Variants in AXDND1 observed in about 807,000 individuals in gnomAD.
AXDND1 encodes axonemal dynein light chain domain containing 1, also known as axonemal dynein light chain domain-containing protein 1.
A neutral mutation model predicts 137.5 loss-of-function variants in AXDND1; 110 were observed. The observed-to-expected ratio is 0.80, with a 90% CI of 0.69 to 0.94. The LOEUF (loss-of-function observed/expected upper bound fraction) is 0.94. Ranked by LOEUF, AXDND1 falls within the 40% of genes least tolerant of loss-of-function variation. The probability of loss-of-function intolerance (pLI) is 0.00; values close to 1 mark genes in which losing one functional copy is unlikely to be tolerated. For missense variants in AXDND1, 1,191 were observed against 1,169.8 expected, an observed-to-expected ratio of 1.02 and a Z score of -0.26; for synonymous variants, 414 against 399.7, an observed-to-expected ratio of 1.04 and a Z score of -0.43.
chr1:179,374,672 G>A (rs1668398783), intron 4 of AXDND1, among the ~76,000 whole-genome samples: 1 of 152,146 alleles, frequency 6.6e-6, no homozygotes, highest in South Asian at 2.1e-4. Context: ...CATGTCGTTT[G>A]TAGGGACATG....
intron 12 of AXDND1, among the ~76,000 whole-genome samples, chr1:179,422,216 C>T (rs967277866): frequency 2.0e-5 from 3 of 146,428 alleles, no homozygotes; most frequent in Non-Finnish European, 4.5e-5. Context: ...GGTTATTTCC[C>T]GTCTTTCTAT....
chr1:179,388,429 C>T (rs1352368328), intron 9 of AXDND1, among the ~76,000 whole-genome samples: 1 of 152,118 alleles, frequency 6.6e-6, no homozygotes, highest in East Asian at 1.9e-4. Context: ...GTTAGATATT[C>T]TCATTCTGTC....
intron 3 of AXDND1, among the ~76,000 whole-genome samples, chr1:179,369,358 G>GT (rs1386276585): frequency 6.6e-6 from 1 of 152,176 alleles, no homozygotes; most frequent in African/African-American, 2.4e-5. Context: ...AATTTCAAGT[G>GT]TGAGCCAACA....
intron 11 of AXDND1, among the ~76,000 whole-genome samples, chr1:179,408,712 A>G (rs909915388): frequency 1.3e-5 from 2 of 152,080 alleles, no homozygotes; most frequent in African/African-American, 4.8e-5. Flanking sequence ...GATGGGGTTC[A>G]CTGTATCCTC....
At chr1:179,435,226 A>G (rs1657973830) in intron 15 of AXDND1, among the ~76,000 whole-genome samples, 1 of 152,250 alleles carries the variant, frequency 6.6e-6, no homozygotes, top group Non-Finnish European at 1.5e-5. Flanking sequence ...TTCCATCCTC[A>G]TGGATAGGAA....
chr1:179,552,564 T>G (rs769979350), intron 25 of AXDND1: 23 of 1,547,876 alleles, frequency 1.5e-5, no homozygotes, highest in Non-Finnish European at 1.9e-5. Context: ...GAGCAGGCCT[T>G]CCTAAAGGGC....
chr1:179,402,265 C>T (rs1002877982), intron 11 of AXDND1, among the ~76,000 whole-genome samples: 54 of 152,006 alleles, frequency 3.6e-4, no homozygotes, highest in Non-Finnish European at 6.6e-4. Flanking sequence ...TTTTTGCCTA[C>T]TCTATATACT....
chr1:179,503,094 TA>T (rs11397892), intron 20 of AXDND1, among the ~76,000 whole-genome samples: 175 of 136,740 alleles, frequency 1.3e-3, no homozygotes, highest in East Asian at 1.4e-3. Context: ...AAACTCCGTG[TA>T]AAAAAAAAAA....
intron 5 of AXDND1, among the ~76,000 whole-genome samples, 176 bp from the exon 6 acceptor site, chr1:179,379,221 C>T (rs1647798360): frequency 6.6e-6 from 1 of 152,078 alleles, no homozygotes; most frequent in Non-Finnish European, 1.5e-5. Flanking sequence ...GATGTGTGCT[C>T]TGGTTAGTTT....
chr1:179,420,241 C>T (rs1353539413), intron 12 of AXDND1, among the ~76,000 whole-genome samples: 1 of 152,186 alleles, frequency 6.6e-6, no homozygotes, highest in Non-Finnish European at 1.5e-5. Context: ...TGATGTATCA[C>T]ATTTATTGAT....
intron 20 of AXDND1, among the ~76,000 whole-genome samples, chr1:179,500,887 G>T (rs11800342): frequency 0.061 from 9,261 of 151,954 alleles, 358 homozygotes; most frequent in Non-Finnish European, 0.07. Flanking sequence ...GGCCAGGCTG[G>T]TCTTGAACTC....
intron 12 of AXDND1, among the ~76,000 whole-genome samples, chr1:179,424,030 G>A (rs10913750): frequency 0.017 from 2,547 of 152,194 alleles, 75 homozygotes; most frequent in African/African-American, 0.058. Flanking sequence ...TGTAAGAGAG[G>A]TCTGGTGGTG....
chr1:179,440,867 G>A (rs535624085), intron 15 of AXDND1, among the ~76,000 whole-genome samples: 1 of 152,346 alleles, frequency 6.6e-6, no homozygotes, highest in Admixed American at 6.5e-5. Flanking sequence ...CACAGACAAT[G>A]TTGATAGGAT....
At chr1:179,496,283 G>T (rs755720590) in intron 20 of AXDND1, among the ~76,000 whole-genome samples, 1 of 151,960 alleles carries the variant, frequency 6.6e-6, no homozygotes. Flanking sequence ...GTGTAGAATT[G>T]TTTATTTCTT....
In AXDND1 at chr1:179,514,088, G is replaced by C. The variant is rs200724476; in HGVS notation, c.2496+4685G>C. 6.6e-5 allele frequency among the ~76,000 whole-genome samples: 10 copies of C among 151,628 alleles called. No individual in the cohort carries two copies. In the East Asian group the frequency reaches 1.9e-3, roughly 29 times the overall value. Reference sequence around the variant, plus strand: ...TTTCATTTAATTCTGCTCTGATCTTGGTTATTTCCTTTCTTCTGCTGGGTT... The same window carrying C: ...TTTCATTTAATTCTGCTCTGATCTTCGTTATTTCCTTTCTTCTGCTGGGTT... On this transcript the variant is annotated intron_variant, in intron 21 of 25. Transcript: ENST00000367618.
chr1:179,516,571 C>T (rs942345047), intron 21 of AXDND1, among the ~76,000 whole-genome samples: 1 of 152,176 alleles, frequency 6.6e-6, no homozygotes, highest in African/African-American at 2.4e-5. Flanking sequence ...GGTTCCTTCT[C>T]ATTTGGGTAG....
intron 25 of AXDND1, chr1:179,551,772 A>G (rs1673319026): frequency 2.9e-6 from 1 of 344,708 alleles, no homozygotes; most frequent in Non-Finnish European, 5.4e-6. Context: ...TTCCATGCAA[A>G]GGCATGACGT....
At chr1:179,483,246 C>A (rs10494519) in intron 18 of AXDND1, 25 bp downstream of exon 18, 1 of 1,514,216 alleles carries the variant, frequency 6.6e-7, no homozygotes, top group Admixed American at 2.1e-5. Context: ...GGGTTTTTGA[C>A]GTTATATTTT....
intron 11 of AXDND1, among the ~76,000 whole-genome samples, chr1:179,409,504 C>T (rs1653513971): frequency 6.6e-6 from 1 of 152,106 alleles, no homozygotes; most frequent in African/African-American, 2.4e-5. Context: ...GAAATGAGAT[C>T]AAACATTTTA....
Sources: gnomAD v4.1 joint callset for allele counts (sites outside exome capture counted in the v4.1 genomes callset) on GRCh38, gnomAD v4.1.1 for gene constraint, MANE v1.5 for transcripts, NCBI Gene and HGNC (gene_info 2026-07-23, HGNC 2026-07-21) for gene names.